KIF26B: variants seen among roughly 807,000 people sequenced by gnomAD.
The protein encoded by KIF26B is kinesin family member 26B, also known as kinesin-like protein KIF26B.
In KIF26B, 63 loss-of-function variants were observed where a neutral mutation model predicts 151.2. That is an observed-to-expected ratio of 0.42 (90% CI 0.34 to 0.51). KIF26B has a LOEUF of 0.51. Among genes scored for constraint, KIF26B ranks in the 20% least tolerant of loss-of-function variants. The pLI is 0.07. For missense variants in KIF26B, 2,813 were observed against 2,913.6 expected (o/e 0.97, Z 0.79); for synonymous variants, 1,357 against 1,262.1 (o/e 1.08, Z -1.59).
intron 2 of KIF26B, among the ~76,000 whole-genome samples, chr1:245,322,295 G>A (rs548785440): frequency 1.5e-4 from 23 of 151,964 alleles, no homozygotes; most frequent in Admixed American, 1.1e-3. Flanking sequence ...CCTAGATGAC[G>A]GGTTGATAGG....
chr1:245,682,351 C>T (rs139169934), intron 10 of KIF26B, among the ~76,000 whole-genome samples: 2,296 of 152,356 alleles, frequency 0.015, 33 homozygotes, highest in Non-Finnish European at 0.024. Context: ...TTTACAAATT[C>T]AGTGTTCACA....
rs193114797 is a variant in KIF26B, at chr1:245,600,327, C to T, written c.1351-2250C>T. Among the ~76,000 whole-genome samples the T allele has an allele frequency of 5.6e-4, 82 of 145,226 alleles. 1 individual carries two copies. Among genetic ancestry groups the T allele is most frequent in the African/African-American group, 1.9e-3 (77 of 39,672 alleles). ...TGCTGGGATTACAGGCGTGAGCCAC[C>T]ACGCCTGGCCGTTTTGTTTTTGAGA... On this transcript the variant is annotated intron_variant, in intron 5 of 14. Coordinates refer to ENST00000407071, the MANE Select transcript of KIF26B (RefSeq NM_018012.4).
chr1:245,487,471 T>C (rs1439664065), intron 4 of KIF26B, among the ~76,000 whole-genome samples: 1 of 152,194 alleles, frequency 6.6e-6, no homozygotes, highest in African/African-American at 2.4e-5. Context: ...AGGTGGAAGC[T>C]TCACAGTGTG....
At chr1:245,446,483 C>T (rs575503297) in intron 4 of KIF26B, among the ~76,000 whole-genome samples, 102 of 152,254 alleles carry the variant, frequency 6.7e-4, no homozygotes, top group African/African-American at 2.4e-3. Flanking sequence ...ACCTCAGAAA[C>T]AGAGTGTCTG....
At chr1:245,340,829 C>T (rs1019639450) in intron 2 of KIF26B, among the ~76,000 whole-genome samples, 4 of 151,974 alleles carry the variant, frequency 2.6e-5, no homozygotes, top group Non-Finnish European at 2.9e-5. Flanking sequence ...GGTCTGGAGG[C>T]GGGGCAGCTT....
intron 2 of KIF26B, among the ~76,000 whole-genome samples, chr1:245,293,719 C>T (rs1671292706): frequency 6.6e-6 from 1 of 151,980 alleles, no homozygotes; most frequent in African/African-American, 2.4e-5. Context: ...GCTGGGATTA[C>T]AGGCTTGTGC....
chr1:245,632,258 A>C (rs1008460855), intron 9 of KIF26B, among the ~76,000 whole-genome samples: 16 of 152,190 alleles, frequency 1.1e-4, no homozygotes, highest in Non-Finnish European at 2.2e-4. Flanking sequence ...TTAAGAAAAA[A>C]GATTTTATTT....
chr1:245,635,679 A>T (rs2043828176), intron 9 of KIF26B, among the ~76,000 whole-genome samples: 1 of 150,258 alleles, frequency 6.7e-6, no homozygotes, highest in Admixed American at 6.6e-5. Flanking sequence ...TTTGTCTATA[A>T]TTTGCTCATC....
At chr1:245,173,293 G>A (rs1340915791) in intron 2 of KIF26B, among the ~76,000 whole-genome samples, 1 of 152,210 alleles carries the variant, frequency 6.6e-6, no homozygotes, top group Non-Finnish European at 1.5e-5. Flanking sequence ...TTGCACAATG[G>A]TGGGGGCGTA....
At chr1:245,549,446 T>C (rs1405330750) in intron 5 of KIF26B, among the ~76,000 whole-genome samples, 2 of 152,182 alleles carry the variant, frequency 1.3e-5, no homozygotes, top group Non-Finnish European at 2.9e-5. Flanking sequence ...ATTACTGATA[T>C]CAGGAGAATG....
chr1:245,567,381 G>T (rs2043020116), intron 5 of KIF26B, among the ~76,000 whole-genome samples: 1 of 152,150 alleles, frequency 6.6e-6, no homozygotes, highest in South Asian at 2.1e-4. Context: ...GATGGACGAA[G>T]CTGTGCCCTA....
chr1:245,471,146 T>TATATATATATATATATA (rs1558179431), intron 4 of KIF26B, among the ~76,000 whole-genome samples: 1 of 151,706 alleles, frequency 6.6e-6, no homozygotes, highest in African/African-American at 2.4e-5. Flanking sequence ...TATATATATA[T>TATATATATATATATATA]TTGAGAAGGA....
At chr1:245,637,806 G>C (rs2043851305) in intron 9 of KIF26B, among the ~76,000 whole-genome samples, 1 of 151,974 alleles carries the variant, frequency 6.6e-6, no homozygotes, top group African/African-American at 2.4e-5. Flanking sequence ...AAATGAGTTG[G>C]CTGTAAGTGC....
intron 4 of KIF26B, among the ~76,000 whole-genome samples, chr1:245,492,132 G>A (rs576865549): frequency 2.0e-5 from 3 of 152,338 alleles, no homozygotes; most frequent in African/African-American, 7.2e-5. Context: ...TTTACAGCGG[G>A]ACAAGCAGCA....
At chr1:245,278,500 T>A (rs1670978643) in intron 2 of KIF26B, among the ~76,000 whole-genome samples, 1 of 152,358 alleles carries the variant, frequency 6.6e-6, no homozygotes, top group South Asian at 2.1e-4. Flanking sequence ...CTTTCTCTTT[T>A]GGGCATGAAC....
chr1:245,571,657 G>T (rs1051990432), intron 5 of KIF26B, among the ~76,000 whole-genome samples: 3 of 152,182 alleles, frequency 2.0e-5, no homozygotes, highest in Admixed American at 6.5e-5. Context: ...GCTCAGGAGG[G>T]GAGTCATCCT....
intron 4 of KIF26B, among the ~76,000 whole-genome samples, chr1:245,496,345 C>T (rs1660513768): frequency 6.6e-6 from 1 of 152,032 alleles, no homozygotes; most frequent in South Asian, 2.1e-4. Flanking sequence ...TATAAATGAA[C>T]ATTGACCATA....
intron 2 of KIF26B, among the ~76,000 whole-genome samples, chr1:245,193,403 C>A (rs1307336230): frequency 6.6e-6 from 1 of 152,286 alleles, no homozygotes; most frequent in Admixed American, 6.5e-5. Context: ...CTTCTTATTG[C>A]CATTGTGTTC....
At position 245,687,211 on chromosome 1, in the gene KIF26B, C is replaced by T; in HGVS notation, c.4228C>T (p.Pro1410Ser). Residue 1410 changes from proline to serine, a missense_variant, in exon 12 of 15, where the codon CCC becomes TCC. Physicochemically the swap from Pro to Ser is moderately conservative, Grantham distance 74. Coordinates refer to ENST00000407071, the MANE Select transcript of KIF26B (RefSeq NM_018012.4). The surrounding 1 kb of genome is among the most constrained non-coding windows in gnomAD (Gnocchi z 4.9). ...CCGGAACATCCAAGAGCCGGAGGCC[C>T]CCACCGCCACCCCCAAAGCAGGCCC... is the stretch of plus-strand genomic sequence containing the variant. ...SPRNIQEPEA[P>S]TATPKAGPTL... is the part of the protein sequence containing the mutation. 6.2e-7 allele frequency: 1 copy of T among 1,612,864 alleles called. No individual in the cohort carries two copies. The highest frequency in any genetic ancestry group is 8.5e-7 in the Non-Finnish European group (1 of 1,179,648).
Sources: allele counts gnomAD v4.1 joint callset (sites outside exome capture counted in the v4.1 genomes callset), GRCh38; gene constraint gnomAD v4.1.1; non-coding constraint Gnocchi (gnomAD v3.1); transcripts MANE v1.5; gene names NCBI Gene and HGNC (gene_info 2026-07-23, HGNC 2026-07-21).